The following ZNF611 variants were observed in gnomAD, a reference collection of about 807,000 sequenced individuals.
ZNF611 encodes the protein zinc finger protein 611.
ZNF611 carries 6 observed loss-of-function variants against 8.9 expected under a neutral mutation model. The observed-to-expected ratio is 0.68, with a 90% CI of 0.37 to 1.34. The LOEUF (loss-of-function observed/expected upper bound fraction) is 1.34, where lower values mean the gene tolerates loss of function less well. Among genes scored for constraint, ZNF611 ranks in the 40% most tolerant of loss-of-function variants. ZNF611 has a pLI of 0.02. For missense variants in ZNF611, 874 were observed against 841.3 expected (o/e 1.04, Z -0.48); for synonymous variants, 262 against 279.7 (o/e 0.94, Z 0.63).
At chr19:52,726,820 C>T (rs1318612457) in intron 3 of ZNF611, among the ~76,000 whole-genome samples, 2 of 151,502 alleles carry the variant, frequency 1.3e-5, no homozygotes, top group Admixed American at 6.6e-5. Context: ...TTAGTTGTCC[C>T]GCACGTTTGT....
In ZNF611 at chr19:52,706,026, G is replaced by T. The variant is rs1163201236; in HGVS notation, c.1029C>A (p.Tyr343Ter). 1 of 1,614,036 alleles carries T rather than the reference G, an allele frequency of 6.2e-7. No homozygotes were observed. The change falls in exon 6 of 6, where the codon TAC (tyrosine) becomes TAA (stop). Residue 343 changes from tyrosine to a stop codon, truncating the protein, a stop_gained. Transcript: ENST00000652185. LOFTEE classifies it low-confidence loss of function (END_TRUNC). ...AAGCCTTGTCACATTCATTACACTT[G>T]TAAGGATTTTCTCCAGTATCAATTG... ...DKAIDTGENP[Y>*]KCNECDKAFN...
intron 5 of ZNF611, chr19:52,711,075 T>C (rs1228087695): frequency 2.0e-5 from 3 of 151,434 alleles, no homozygotes; most frequent in Non-Finnish European, 2.9e-5. Flanking sequence ...CTCATGCCTG[T>C]AATCCCAGTA....
At position 52,715,871 on chromosome 19, in the gene ZNF611, C is replaced by G; in HGVS notation, c.24G>C (p.Gln8His). 1 of 1,613,420 alleles carries G rather than the reference C, an allele frequency of 6.2e-7. No individual in the cohort carries two copies. The highest frequency in any genetic ancestry group is 1.3e-5 in the African/African-American group (1 of 75,036). The change falls in exon 4 of 6, where the codon CAG becomes CAC. Residue 8 changes from glutamine to histidine, a missense_variant. Physicochemically the swap from Gln to His is conservative, Grantham distance 24. Coordinates refer to ENST00000652185, the MANE Select transcript of ZNF611 (RefSeq NM_001161499.2). MLREEAA[Q>H]KRKGKEPGMA... ...TGCCTGGCTCCTTTCCTTTCCTCTTCTGAGCTGCTTCCTCACGTAACATGA... is the reference window on the plus strand; with the variant it reads ...TGCCTGGCTCCTTTCCTTTCCTCTTGTGAGCTGCTTCCTCACGTAACATGA...
Position 52,705,876 on chromosome 19 carries a change from A to T in ZNF611, c.1179T>A (p.Thr393=), listed in dbSNP as rs2062238840. The T allele has an allele frequency of 6.2e-7, 1 of 1,614,054 alleles. No individual in the cohort carries two copies. Among genetic ancestry groups the T allele is most frequent in the Non-Finnish European group, 8.5e-7 (1 of 1,180,028 alleles). ...CCTTACATCTGTATGGTTTCTCTCC[A>T]GTATGAATTCTCTTATGTGTCTCAA... ...STIETHKRIH[T]GEKPYRCKVC... is the part of the protein sequence containing the mutation. Residue 393 remains threonine, a synonymous_variant, in exon 6 of 6, where the codon ACT becomes ACA. Coordinates refer to ENST00000652185, the MANE Select transcript of ZNF611 (RefSeq NM_001161499.2).
intron 4 of ZNF611, among the ~76,000 whole-genome samples, chr19:52,715,604 G>T (rs542429575): frequency 2.0e-4 from 31 of 152,236 alleles, no homozygotes; most frequent in African/African-American, 7.0e-4. Context: ...GTCAGGGTGT[G>T]AGCCCTTCCC....
intron 3 of ZNF611, among the ~76,000 whole-genome samples, chr19:52,727,230 G>T (rs982184017): frequency 1.3e-5 from 2 of 152,162 alleles, no homozygotes; most frequent in African/African-American, 4.8e-5. Context: ...AAAGAGTCTT[G>T]CCCCAAATGA....
At chr19:52,724,068 C>G (rs1293707804) in intron 3 of ZNF611, 1 of 152,350 alleles carries the variant, frequency 6.6e-6, no homozygotes, top group Non-Finnish European at 1.5e-5. Flanking sequence ...AGGCCTTCCT[C>G]TTATCTCAAC....
chr19:52,712,224 A>C (rs895384256), intron 5 of ZNF611, among the ~76,000 whole-genome samples: 10 of 151,986 alleles, frequency 6.6e-5, no homozygotes, highest in South Asian at 2.1e-4. Flanking sequence ...CACACACACA[A>C]AAAAACAACT....
chr19:52,713,880 A>G (rs1340476534), intron 5 of ZNF611, 135 bp downstream of exon 5: 9 of 1,521,980 alleles, frequency 5.9e-6, no homozygotes, highest in Non-Finnish European at 7.9e-6. Context: ...AATAGGAGCG[A>G]AACACCATCT....
Position 52,714,024 on chromosome 19 carries a change from C to T in ZNF611, c.181G>A (p.Glu61Lys), listed in dbSNP as rs764420877. The change falls in exon 5 of 6, where the codon GAG (glutamate) becomes AAG (lysine). Residue 61 changes from glutamate (E) to lysine (K), a missense_variant. Physicochemically the swap from Glu to Lys is moderately conservative, Grantham distance 56. Transcript: ENST00000652185. ...EVMLENYRNL[E>K]AVDISSKCMM... ...GGGACATTTTCCTCACCCACAGCCT[C>T]CAGGTTCCTGTAGTTCTCCAACATC... 6.2e-7 allele frequency: 1 copy of T among 1,614,114 alleles called. No homozygotes were observed. Among genetic ancestry groups the T allele is most frequent in the African/African-American group, 1.3e-5 (1 of 75,050 alleles).
In ZNF611 at chr19:52,712,108, T is replaced by C. The variant is rs186501742; in HGVS notation, c.190+1907A>G. On this transcript the variant is annotated intron_variant, in intron 5 of 5. Transcript: ENST00000652185. ...CCAACAATGCAGCAGTACGGTGGCC[T>C]GAGGTGAAAGCAGTTTTACATCTCT... Among the ~76,000 whole-genome samples the C allele has an allele frequency of 8.5e-5, 13 of 152,248 alleles. No homozygotes were observed. In the East Asian group the frequency reaches 2.3e-3, roughly 27 times the overall value.
At chr19:52,714,922 C>T (rs1489057564) in intron 4 of ZNF611, among the ~76,000 whole-genome samples, 1 of 151,852 alleles carries the variant, frequency 6.6e-6, no homozygotes, top group African/African-American at 2.4e-5. Flanking sequence ...CGCTTGAATC[C>T]GGGAGGCGGA....
chr19:52,704,361 C>A lies in ZNF611; in HGVS notation c.*576G>T. 1 of 626,370 alleles carries A rather than the reference C, an allele frequency of 1.6e-6. No homozygotes were observed. Among genetic ancestry groups the A allele is most frequent in the Admixed American group, 1.9e-5 (1 of 52,294 alleles). 38.8% of individuals were successfully genotyped at this position (626,370 alleles called of 1,614,324 possible). Reference sequence around the variant, plus strand: ...CACACTGATGACATTTGTAAGATTTCTGTCCAGTATAGATTCTCTGATGTC... The same window carrying A: ...CACACTGATGACATTTGTAAGATTTATGTCCAGTATAGATTCTCTGATGTC... On this transcript the variant is annotated 3_prime_UTR_variant, in exon 6 of 6. Transcript: ENST00000652185.
At chr19:52,727,906 CCTTT>C (rs1600333654) in intron 3 of ZNF611, among the ~76,000 whole-genome samples, 1 of 127,492 alleles carries the variant, frequency 7.8e-6, no homozygotes, top group African/African-American at 3.2e-5. Context: ...TTGTTGTGTG[CCTTT>C]TTTTTTTTTT....
At chr19:52,731,989 T>A (rs1374102127) in intron 1 of ZNF611, among the ~76,000 whole-genome samples, 1 of 128,792 alleles carries the variant, frequency 7.8e-6, no homozygotes, top group Admixed American at 8.1e-5. Flanking sequence ...GAAAAAAAAA[T>A]GGCCGGGCGG....
chr19:52,711,996 TG>T (rs1465162075), intron 5 of ZNF611, among the ~76,000 whole-genome samples: 1 of 151,598 alleles, frequency 6.6e-6, no homozygotes, highest in African/African-American at 2.4e-5. Flanking sequence ...TAGAGGAAAG[TG>T]GAACTAATTT....
rs774620004 is a variant in ZNF611, at chr19:52,705,348, A to G, written c.1707T>C (p.Asn569=). 5.0e-6 allele frequency: 8 copies of G among 1,614,054 alleles called. No homozygotes were observed. The highest frequency in any genetic ancestry group is 1.3e-5 in the African/African-American group (1 of 75,004). The stretch of plus-strand genomic sequence containing the variant: ...TGTGACTGAAGGTCTTGCTGCACTC[A>G]TTACACTTGTAAGGTTTCTCTCCAC... ...IHSGEKPYKC[N]ECSKTFSHRS... The change falls in exon 6 of 6, where the codon AAT becomes AAC. Residue 569 remains asparagine, a synonymous_variant. Transcript: ENST00000652185.
chr19:52,717,848 T>A (rs886963758), intron 3 of ZNF611, among the ~76,000 whole-genome samples: 12 of 152,208 alleles, frequency 7.9e-5, no homozygotes. Flanking sequence ...CCTTGATATC[T>A]TTATCAAGTA....
At chr19:52,709,138 A>T (rs1482336859) in intron 5 of ZNF611, among the ~76,000 whole-genome samples, 1 of 152,208 alleles carries the variant, frequency 6.6e-6, no homozygotes, top group Non-Finnish European at 1.5e-5. Flanking sequence ...CAGATTTCTT[A>T]TTCCCCAATA....
Sources: gnomAD v4.1 joint callset for allele counts (sites outside exome capture counted in the v4.1 genomes callset) on GRCh38, gnomAD v4.1.1 for gene constraint, MANE v1.5 for transcripts, NCBI Gene and HGNC (gene_info 2026-07-23, HGNC 2026-07-21) for gene names.